ATRNL1: variants seen among roughly 807,000 people sequenced by gnomAD.
ATRNL1 encodes the protein attractin-like protein 1.
Under a neutral mutation model 182.7 loss-of-function variants are expected in ATRNL1, and 95 were observed. That is an observed-to-expected ratio of 0.52 (90% confidence interval 0.44 to 0.62). ATRNL1 has a LOEUF of 0.62. Among genes scored for constraint, ATRNL1 ranks in the 20% least tolerant of loss-of-function variants. The pLI is 0.00. For missense variants in ATRNL1, 1,471 were observed against 1,679.5 expected, an observed-to-expected ratio of 0.88 and a Z score of 2.17; for synonymous variants, 576 against 568.3, an observed-to-expected ratio of 1.01 and a Z score of -0.19.
chr10:115,232,062 G>A (rs535716674), intron 9 of ATRNL1, among the ~76,000 whole-genome samples: 1 of 152,168 alleles, frequency 6.6e-6, no homozygotes, highest in East Asian at 1.9e-4. Flanking sequence ...TTACTATTAT[G>A]AGCAATTGTA....
intron 25 of ATRNL1, among the ~76,000 whole-genome samples, chr10:115,524,966 A>G (rs1851134785): frequency 6.6e-6 from 1 of 152,228 alleles, no homozygotes; most frequent in South Asian, 2.1e-4. Flanking sequence ...ATCCTCATGC[A>G]TATACCAATG....
chr10:115,140,959 C>A (rs1358114822), intron 5 of ATRNL1, among the ~76,000 whole-genome samples: 2 of 152,040 alleles, frequency 1.3e-5, no homozygotes, highest in Non-Finnish European at 2.9e-5. Context: ...AACCCTTACC[C>A]CATTCATATT....
At chr10:115,792,545 A>G (rs1555081984) in intron 27 of ATRNL1, among the ~76,000 whole-genome samples, 1 of 152,032 alleles carries the variant, frequency 6.6e-6, no homozygotes, top group African/African-American at 2.4e-5. Context: ...ATCTAAATTA[A>G]CTTCTTTTGT....
At chr10:115,872,592 A>T (rs1344251695) in intron 28 of ATRNL1, among the ~76,000 whole-genome samples, 1 of 152,250 alleles carries the variant, frequency 6.6e-6, no homozygotes, top group East Asian at 1.9e-4. Context: ...GGGAATGACT[A>T]GGTAGAAGTC....
intron 24 of ATRNL1, among the ~76,000 whole-genome samples, chr10:115,498,618 A>G (rs1485583198): frequency 1.3e-5 from 2 of 151,996 alleles, no homozygotes; most frequent in Non-Finnish European, 2.9e-5. Context: ...CAGTGAAAAC[A>G]GAATAGCAAC....
intron 26 of ATRNL1, among the ~76,000 whole-genome samples, chr10:115,571,016 C>T (rs1555003312): frequency 1.3e-5 from 2 of 152,188 alleles, no homozygotes; most frequent in African/African-American, 4.8e-5. Flanking sequence ...ACCGGCTGGG[C>T]CAGCTTCACT....
At chr10:115,867,724 C>T (rs536034898) in intron 28 of ATRNL1, among the ~76,000 whole-genome samples, 1 of 126,906 alleles carries the variant, frequency 7.9e-6, no homozygotes, top group Admixed American at 9.7e-5. Flanking sequence ...TGTGGCCACC[C>T]TGTGAATTTT....
At chr10:115,536,316 C>G (rs371102418) in intron 25 of ATRNL1, among the ~76,000 whole-genome samples, 1 of 152,170 alleles carries the variant, frequency 6.6e-6, no homozygotes. Context: ...TGGGCAATGG[C>G]GGGCGCCCCT....
At chr10:115,530,671 A>G (rs1319727594) in intron 25 of ATRNL1, among the ~76,000 whole-genome samples, 2 of 152,044 alleles carry the variant, frequency 1.3e-5, no homozygotes, top group Non-Finnish European at 2.9e-5. Context: ...GTACACGTGC[A>G]CAATGTGCAG....
chr10:115,613,495 T>G (rs1451677495), intron 26 of ATRNL1, among the ~76,000 whole-genome samples: 3 of 152,318 alleles, frequency 2.0e-5, no homozygotes, highest in Middle Eastern at 3.4e-3. Flanking sequence ...TCTTATTTTG[T>G]TGTATTCTTG....
At chr10:115,115,600 T>G (rs1418287111) in intron 1 of ATRNL1, among the ~76,000 whole-genome samples, 1 of 152,020 alleles carries the variant, frequency 6.6e-6, no homozygotes, top group Non-Finnish European at 1.5e-5. Context: ...AACTAGAAAA[T>G]CTGTTTTTAA....
At chr10:115,460,642 C>T (rs559886706) in intron 21 of ATRNL1, among the ~76,000 whole-genome samples, 30 of 152,044 alleles carry the variant, frequency 2.0e-4, no homozygotes, top group Non-Finnish European at 3.8e-4. Context: ...TACTTGTCCT[C>T]TCTGCCTGGA....
intron 22 of ATRNL1, among the ~76,000 whole-genome samples, chr10:115,466,398 C>A (rs1203430793): frequency 2.0e-5 from 3 of 151,282 alleles, no homozygotes; most frequent in African/African-American, 7.3e-5. Flanking sequence ...TGAAGCTAAA[C>A]TTACCCATTA....
At chr10:115,497,683 G>A (rs1849619413) in intron 24 of ATRNL1, among the ~76,000 whole-genome samples, 1 of 150,780 alleles carries the variant, frequency 6.6e-6, no homozygotes, top group Non-Finnish European at 1.5e-5. Context: ...TTTTGAGATG[G>A]AGTCTTGCTC....
At chr10:115,194,009 C>T (rs563389911) in intron 8 of ATRNL1, among the ~76,000 whole-genome samples, 2 of 151,820 alleles carry the variant, frequency 1.3e-5, no homozygotes, top group South Asian at 4.1e-4. Context: ...TTCAAAGTTC[C>T]TCCTGCTATT....
At chr10:115,534,232 G>A (rs1851804811) in intron 25 of ATRNL1, among the ~76,000 whole-genome samples, 2 of 150,526 alleles carry the variant, frequency 1.3e-5, no homozygotes, top group African/African-American at 2.4e-5. Context: ...TTATTGTGTG[G>A]GAGTCTAAGT....
chr10:115,312,986 CT>C (rs1268311209), intron 17 of ATRNL1, among the ~76,000 whole-genome samples: 2 of 151,728 alleles, frequency 1.3e-5, no homozygotes, highest in African/African-American at 2.4e-5. Flanking sequence ...AAGTTGGTTT[CT>C]TTTTTTAAAA....
intron 21 of ATRNL1, among the ~76,000 whole-genome samples, chr10:115,456,928 C>T (rs1033133605): frequency 5.3e-5 from 8 of 152,104 alleles, no homozygotes; most frequent in East Asian, 1.9e-4. Flanking sequence ...TCCCGTTGTT[C>T]GGTGAGCAGG....
At chr10:115,175,133 T>TC (rs1182835882) in intron 8 of ATRNL1, among the ~76,000 whole-genome samples, 1 of 152,010 alleles carries the variant, frequency 6.6e-6, no homozygotes, top group Non-Finnish European at 1.5e-5. Flanking sequence ...AAATGGAATC[T>TC]CTAGGCCACC....
Sources: gnomAD v4.1 joint callset for allele counts (sites outside exome capture counted in the v4.1 genomes callset) on GRCh38, gnomAD v4.1.1 for gene constraint, MANE v1.5 for transcripts, NCBI Gene and HGNC (gene_info 2026-07-23, HGNC 2026-07-21) for gene names.